The following IFITM10 variants were observed in gnomAD, a reference collection of about 807,000 sequenced individuals.
IFITM10 encodes interferon induced transmembrane protein 10.
IFITM10 carries 17 observed loss-of-function variants against 19.0 expected under a neutral mutation model. That is an observed-to-expected ratio of 0.90 (90% confidence interval 0.61 to 1.34). The LOEUF (loss-of-function observed/expected upper bound fraction) is 1.34, where lower values mean the gene tolerates loss of function less well. Ranked by LOEUF, IFITM10 falls within the 40% of genes most tolerant of loss-of-function variation. IFITM10 has a pLI of 0.00. For missense variants in IFITM10, 306 were observed against 319.8 expected, an observed-to-expected ratio of 0.96 and a Z score of 0.33; for synonymous variants, 148 against 147.2, an observed-to-expected ratio of 1.01 and a Z score of -0.04.
At chr11:1,746,933 C>T in intron 2 of IFITM10, 1 of 397,652 alleles carries the variant, frequency 2.5e-6, no homozygotes, top group Admixed American at 4.4e-5. Flanking sequence ...GCACCAGACA[C>T]ATTGACACAC....
Position 1,733,336 on chromosome 11 carries a change from A to G in IFITM10, c.*1944T>C, listed in dbSNP as rs1183607181. 6.6e-6 allele frequency: 1 copy of G among 150,746 alleles called. No individual in the cohort carries two copies. Among genetic ancestry groups the G allele is most frequent in the African/African-American group, 2.5e-5 (1 of 40,652 alleles). The allele number at this position is 150,746 out of a possible 1,614,324, so 9.3% of individuals were successfully genotyped here. ...TGCTCAAGAGTCCCACATGGTCCCC[A>G]CCCTGTCCCCTCTCTCGACTCTGAC... On this transcript the variant is annotated 3_prime_UTR_variant, in exon 3 of 3. Coordinates refer to ENST00000340134, the MANE Select transcript of IFITM10 (RefSeq NM_001170820.4). The surrounding 1 kb of genome is among the most constrained non-coding windows in gnomAD (Gnocchi z 6.3).
Position 1,735,376 on chromosome 11 carries a change from C to T in IFITM10, c.591G>A (p.Lys197=), listed in dbSNP as rs570482711. ...NDLNGAVEDA[K]TARLFNITSS... is the part of the protein sequence containing the mutation. ...TGGTGATGTTGAACAGCCGGGCCGT[C>T]TTTGCATCCTCCACGGCTCCATTCA... The change falls in exon 3 of 3, where the codon AAG becomes AAA. Residue 197 remains lysine, a synonymous_variant. Coordinates refer to ENST00000340134, the MANE Select transcript of IFITM10 (RefSeq NM_001170820.4). 3.8e-5 allele frequency: 59 copies of T among 1,551,736 alleles called. No homozygotes were observed. The South Asian group carries it at 6.3e-4, about 17-fold the overall frequency.
chr11:1,740,437 G>C (rs536025159), intron 2 of IFITM10, among the ~76,000 whole-genome samples: 1 of 152,170 alleles, frequency 6.6e-6, no homozygotes, highest in African/African-American at 2.4e-5. Context: ...CCAGCTCCTG[G>C]ACAGGCGTGG....
intron 2 of IFITM10, among the ~76,000 whole-genome samples, chr11:1,737,537 G>C (rs999183920): frequency 6.6e-6 from 1 of 152,150 alleles, no homozygotes; most frequent in East Asian, 1.9e-4. Flanking sequence ...TGAAGATGAC[G>C]ACAGCGCTGC....
At chr11:1,748,209 G>A (rs1022364799) in intron 1 of IFITM10, 90 bp from the exon 2 acceptor site, 4 of 1,011,136 alleles carry the variant, frequency 4.0e-6, no homozygotes, top group African/African-American at 1.7e-5. Flanking sequence ...AGCCCCAGTG[G>A]AGACGGAAAT....
intron 2 of IFITM10, chr11:1,746,775 C>G (rs989893878): frequency 1.0e-5 from 4 of 398,684 alleles, no homozygotes; most frequent in African/African-American, 8.2e-5. Context: ...TGGAGTACAT[C>G]TGGCCTTGGC....
intron 1 of IFITM10, 171 bp from the exon 2 acceptor site, chr11:1,748,290 G>C (rs914615227): frequency 6.4e-6 from 3 of 471,298 alleles, no homozygotes; most frequent in Non-Finnish European, 1.1e-5. Context: ...GGCGGCCACG[G>C]ACGATGCCAA....
Position 1,738,411 on chromosome 11 carries a change from C to T in IFITM10, c.538-2982G>A, listed in dbSNP as rs149090169. Among the ~76,000 whole-genome samples the T allele has an allele frequency of 7.1e-3, 1,076 of 152,164 alleles. 18 individuals carry two copies. Among genetic ancestry groups the T allele is most frequent in the African/African-American group, 0.023 (973 of 41,494 alleles). On this transcript the variant is annotated intron_variant, in intron 2 of 2. Transcript: ENST00000340134. ...GAAGTTGAAAAAGCATACGTCGAAC[C>T]GTCATAAGATGGGGACCGTCTGTAT...
chr11:1,749,458 C>G (rs1471241909), intron 1 of IFITM10, among the ~76,000 whole-genome samples: 1 of 150,866 alleles, frequency 6.6e-6, no homozygotes, highest in Admixed American at 6.6e-5. Flanking sequence ...GAGCCCCCAG[C>G]CCCGTGGAAG....
chr11:1,735,223 C>A lies in IFITM10; in HGVS notation c.*57G>T. On this transcript the variant is annotated 3_prime_UTR_variant, in exon 3 of 3. Coordinates refer to ENST00000340134, the MANE Select transcript of IFITM10 (RefSeq NM_001170820.4). ...TCATGGGATCCTGCGTTTCAGGGAC[C>A]ATGAGAATAAACATGTCTCAGTGCT... 1 of 1,527,166 alleles carries A rather than the reference C, an allele frequency of 6.5e-7. No homozygotes were observed. Among genetic ancestry groups the A allele is most frequent in the Non-Finnish European group, 8.9e-7 (1 of 1,128,564 alleles). The allele number at this position is 1,527,166 out of a possible 1,614,324, so 94.6% of individuals were successfully genotyped here. A position where few individuals can be genotyped will look rare whatever the true frequency, so the allele number is the denominator to read the frequency against.
At chr11:1,737,913 G>A (rs1175899012) in intron 2 of IFITM10, among the ~76,000 whole-genome samples, 3 of 152,164 alleles carry the variant, frequency 2.0e-5, no homozygotes, top group Non-Finnish European at 4.4e-5. Context: ...GAGGAATAAC[G>A]TGGCAGAGGG....
chr11:1,743,999 C>T (rs1322622192), intron 2 of IFITM10, among the ~76,000 whole-genome samples: 1 of 152,212 alleles, frequency 6.6e-6, no homozygotes. Context: ...CTTGCCGACC[C>T]CCTAGACTGC....
At chr11:1,738,153 G>A (rs2133641469) in intron 2 of IFITM10, among the ~76,000 whole-genome samples, 1 of 152,262 alleles carries the variant, frequency 6.6e-6, no homozygotes, top group East Asian at 1.9e-4. Flanking sequence ...GTGCTGGGTG[G>A]GGAGGAGGGC....
At chr11:1,749,991 C>T (rs745568157) in intron 1 of IFITM10, among the ~76,000 whole-genome samples, 8 of 152,202 alleles carry the variant, frequency 5.3e-5, no homozygotes, top group East Asian at 1.9e-4. Context: ...CAAAGTGTCC[C>T]GTTCCGAGCT....
rs182292859 is a variant in IFITM10, at chr11:1,748,042, G to T, written c.162C>A (p.Val54=). The T allele has an allele frequency of 2.1e-6, 3 of 1,423,408 alleles. No individual in the cohort carries two copies. Among genetic ancestry groups the T allele is most frequent in the East Asian group, 5.3e-5 (2 of 37,486 alleles). 88.2% of individuals were successfully genotyped at this position (1,423,408 alleles called of 1,614,324 possible). The change falls in exon 2 of 3, where the codon GTC becomes GTA. Residue 54 remains valine, a synonymous_variant. Transcript: ENST00000340134. ...STTDGAQEAR[V]PLDGAFWIPR... ...GAATCCAGAAGGCCCCGTCCAGGGG[G>T]ACTCGGGCTTCCTGGGCGCCGTCCG... is the stretch of plus-strand genomic sequence containing the variant.
At chr11:1,740,730 G>A (rs527520797) in intron 2 of IFITM10, among the ~76,000 whole-genome samples, 7 of 152,186 alleles carry the variant, frequency 4.6e-5, no homozygotes, top group Non-Finnish European at 1.0e-4. Flanking sequence ...CAAAAAGATG[G>A]TATTTAAAAC....
At chr11:1,741,669 G>A (rs1485814960) in intron 2 of IFITM10, among the ~76,000 whole-genome samples, 1 of 152,120 alleles carries the variant, frequency 6.6e-6, no homozygotes, top group Non-Finnish European at 1.5e-5. Context: ...AACTGGCTCT[G>A]GCTATAGAGA....
chr11:1,747,624 C>T (rs1339321665), intron 2 of IFITM10, 43 bp downstream of exon 2: 5 of 1,526,356 alleles, frequency 3.3e-6, no homozygotes, highest in Non-Finnish European at 4.4e-6. Flanking sequence ...GCCGGCACCA[C>T]CTCTCTAGCC....
intron 2 of IFITM10, chr11:1,746,320 C>A: frequency 2.7e-6 from 1 of 375,068 alleles, no homozygotes; most frequent in Non-Finnish European, 4.7e-6. Context: ...AAATACACTC[C>A]TGCCTACACA....
Sources: allele counts gnomAD v4.1 joint callset (sites outside exome capture counted in the v4.1 genomes callset), GRCh38; gene constraint gnomAD v4.1.1; non-coding constraint Gnocchi (gnomAD v3.1); transcripts MANE v1.5; gene names NCBI Gene and HGNC (gene_info 2026-07-23, HGNC 2026-07-21).